Variants in NAA15 observed in about 807,000 individuals in gnomAD.
NAA15 encodes N-terminal acetyltransferase.
NAA15 carries 34 observed loss-of-function variants against 114.0 expected under a neutral mutation model. The ratio of observed to expected loss-of-function variants is 0.30; its 90% CI spans 0.23 to 0.40. The LOEUF is 0.40. Among genes scored for constraint, NAA15 ranks in the 10% least tolerant of loss-of-function variants. The pLI is 1.00. For synonymous variants in NAA15, 340 were observed against 338.0 expected (o/e 1.01, Z -0.06); for missense variants, 658 against 1,004.5 (o/e 0.66, Z 4.66).
At position 139,301,509 on chromosome 4, in the gene NAA15, G is replaced by C. The variant is rs1745733113; in HGVS notation, c.-269G>C. On this transcript the variant is annotated 5_prime_UTR_variant, in exon 1 of 20. Transcript: ENST00000296543. ...ACCCTCCGCGTCCGCCATTTTGGCT[G>C]CCTCTGTCGGTCTGTTCAGTTACCA... The C allele has an allele frequency of 2.2e-6, 1 of 449,902 alleles. No homozygotes were observed. Among genetic ancestry groups the C allele is most frequent in the South Asian group, 4.2e-5 (1 of 23,908 alleles). The allele number at this position is 449,902 out of a possible 1,614,324, so 27.9% of individuals were successfully genotyped here. A position where few individuals can be genotyped will look rare whatever the true frequency, so the allele number is the denominator to read the frequency against.
intron 1 of NAA15, among the ~76,000 whole-genome samples, chr4:139,315,679 TGTA>T (rs933340562): frequency 2.6e-5 from 4 of 151,968 alleles, no homozygotes; most frequent in Non-Finnish European, 4.4e-5. Context: ...CTTTTGTAGA[TGTA>T]GTCTATTTTA....
At chr4:139,371,539 A>C (rs1037210340) in intron 15 of NAA15, among the ~76,000 whole-genome samples, 50 of 148,232 alleles carry the variant, frequency 3.4e-4, no homozygotes, top group Non-Finnish European at 6.5e-4. Context: ...ACACACACAC[A>C]CACGAAATAT....
At chr4:139,356,857 T>C (rs183501323) in intron 10 of NAA15, among the ~76,000 whole-genome samples, 232 of 152,262 alleles carry the variant, frequency 1.5e-3, no homozygotes, top group African/African-American at 5.1e-3. Flanking sequence ...ACTTAAATTA[T>C]GCATCTTTGC....
Position 139,389,096 on chromosome 4 carries a change from A to T in NAA15, c.*1012A>T, listed in dbSNP as rs1460554966. ...CTCTGGAATTTTTCCACAGTGTCAC[A>T]GGTTTGTAATACTTGAAGCCCTACA... On this transcript the variant is annotated 3_prime_UTR_variant, in exon 20 of 20. Transcript: ENST00000296543. 6.6e-6 allele frequency: 1 copy of T among 152,448 alleles called. No individual in the cohort carries two copies. The highest frequency in any genetic ancestry group is 1.5e-5 in the Non-Finnish European group (1 of 67,990). 9.4% of individuals were successfully genotyped at this position (152,448 alleles called of 1,614,324 possible).
At chr4:139,353,887 G>C (rs180845353) in intron 9 of NAA15, 139 bp from the exon 10 acceptor site, 2 of 624,900 alleles carry the variant, frequency 3.2e-6, no homozygotes, top group South Asian at 2.2e-5. Flanking sequence ...TGTATCTAGA[G>C]GTTAAGATAT....
In NAA15 at chr4:139,376,405, C is replaced by A. The variant is rs752340397; in HGVS notation, c.1988C>A (p.Pro663Gln). ...GAAGAAGCTATTAAATTTTTAACAC[C>A]GTTGAAGAACTTGGTGAAGAACAAG... ...PLEEAIKFLT[P>Q]LKNLVKNKIE... The change falls in exon 16 of 20, where the codon CCG becomes CAG. Residue 663 changes from proline (P) to glutamine (Q), a missense_variant. Pro to Gln is a moderately conservative substitution (Grantham distance 76, BLOSUM62 -1). Around this residue, in one of 6 missense-constraint regions of NAA15, gnomAD observed 275 missense variants for 371.1 expected, o/e 0.74. Coordinates refer to ENST00000296543, the MANE Select transcript of NAA15 (RefSeq NM_057175.5). 1 of 1,612,566 alleles carries A rather than the reference C, an allele frequency of 6.2e-7. No homozygotes were observed. The highest frequency in any genetic ancestry group is 8.5e-7 in the Non-Finnish European group (1 of 1,179,068).
chr4:139,322,891 G>A (rs993027100), intron 1 of NAA15, among the ~76,000 whole-genome samples: 11 of 151,724 alleles, frequency 7.3e-5, no homozygotes, highest in East Asian at 2.0e-4. Context: ...GGGTTTCACC[G>A]TGTTGGCCAG....
intron 17 of NAA15, among the ~76,000 whole-genome samples, chr4:139,383,454 A>AC: frequency 6.6e-6 from 1 of 152,284 alleles, no homozygotes; most frequent in African/African-American, 2.4e-5. Context: ...GAATATGATG[A>AC]CAACAGTGCA....
intron 1 of NAA15, among the ~76,000 whole-genome samples, chr4:139,308,436 CAG>C (rs909762279): frequency 2.6e-5 from 4 of 152,180 alleles, no homozygotes; most frequent in Non-Finnish European, 5.9e-5. Flanking sequence ...TTCTTTGTGA[CAG>C]AATTCCAGTT....
chr4:139,364,770 C>T (rs1157288567), intron 14 of NAA15, among the ~76,000 whole-genome samples: 2 of 152,100 alleles, frequency 1.3e-5, no homozygotes, highest in South Asian at 2.1e-4. Flanking sequence ...TATGCATACA[C>T]GGTAGAATTA....
intron 1 of NAA15, among the ~76,000 whole-genome samples, chr4:139,313,585 A>G (rs553869902): frequency 6.7e-6 from 1 of 149,788 alleles, no homozygotes; most frequent in African/African-American, 2.5e-5. Context: ...TTTGTTGCCG[A>G]AGCTGGAGTG....
At chr4:139,302,485 G>A (rs1745830493) in intron 1 of NAA15, 1 of 152,218 alleles carries the variant, frequency 6.6e-6, no homozygotes, top group Non-Finnish European at 1.5e-5. Flanking sequence ...TCTGGAGTAG[G>A]GATGAGGCAT....
intron 16 of NAA15, 74 bp from the exon 17 acceptor site, chr4:139,378,682 T>G: frequency 1.2e-6 from 1 of 811,300 alleles, no homozygotes. Context: ...CTTTTTCTAT[T>G]TGTGAAGTCT....
At chr4:139,367,657 A>T (rs189080407) in intron 14 of NAA15, among the ~76,000 whole-genome samples, 54 of 152,310 alleles carry the variant, frequency 3.5e-4, no homozygotes, top group Non-Finnish European at 4.4e-5. Context: ...GTGAGGCACC[A>T]CCATATTCTG....
At chr4:139,379,581 G>A (rs1035691539) in intron 17 of NAA15, among the ~76,000 whole-genome samples, 1 of 152,158 alleles carries the variant, frequency 6.6e-6, no homozygotes, top group African/African-American at 2.4e-5. Flanking sequence ...TTGTATTGTT[G>A]TTTGGATTTT....
chr4:139,357,652 T>G, intron 11 of NAA15, 97 bp downstream of exon 11: 1 of 796,764 alleles, frequency 1.3e-6, no homozygotes, highest in Non-Finnish European at 1.9e-6. Context: ...AAAAGTGACA[T>G]TTGATAACTC....
chr4:139,370,475 T>C lies in NAA15; in HGVS notation c.1947+71T>C, dbSNP rs201243242. 66 of 1,428,168 alleles carry C rather than the reference T, an allele frequency of 4.6e-5. 1 individual carries two copies. In the Middle Eastern group the frequency reaches 9.4e-4, roughly 20 times the overall value. The allele number at this position is 1,428,168 out of a possible 1,614,324, so 88.5% of individuals were successfully genotyped here. A position where few individuals can be genotyped will look rare whatever the true frequency, so the allele number is the denominator to read the frequency against. On this transcript the variant is annotated intron_variant, in intron 15 of 19. Coordinates refer to ENST00000296543, the MANE Select transcript of NAA15 (RefSeq NM_057175.5). ...CAGCTCTTGTCATTTTTATACTGTC[T>C]TATTTGACAGTATATAACCTTATGT...
At chr4:139,344,624 T>G (rs1747522060) in intron 6 of NAA15, among the ~76,000 whole-genome samples, 2 of 152,190 alleles carry the variant, frequency 1.3e-5, no homozygotes, top group Non-Finnish European at 2.9e-5. Context: ...TTATGGAATT[T>G]GATCAAAACA....
chr4:139,318,039 A>G (rs569445498), intron 1 of NAA15, among the ~76,000 whole-genome samples: 4 of 152,348 alleles, frequency 2.6e-5, no homozygotes, highest in Non-Finnish European at 5.9e-5. Context: ...CAGAAAGTGG[A>G]TGGTGATTGT....
Sources: allele counts gnomAD v4.1 joint callset (sites outside exome capture counted in the v4.1 genomes callset), GRCh38; gene constraint gnomAD v4.1.1; regional missense constraint gnomAD v4.1.1; transcripts MANE v1.5; gene names NCBI Gene and HGNC (gene_info 2026-07-23, HGNC 2026-07-21).